The following KDELR2 variants were observed in gnomAD, a reference collection of about 807,000 sequenced individuals.
KDELR2 encodes the protein ER lumen protein-retaining receptor 2.
Under a neutral mutation model 23.9 loss-of-function variants are expected in KDELR2, and 15 were observed. The ratio of observed to expected loss-of-function variants is 0.63; its 90% CI spans 0.42 to 0.97. The LOEUF is 0.97. Ranked by LOEUF, KDELR2 falls within the 50% of genes least tolerant of loss-of-function variation. The probability of loss-of-function intolerance (pLI) is 0.00; values close to 1 mark genes in which losing one functional copy is unlikely to be tolerated. For synonymous variants in KDELR2, 119 were observed against 106.2 expected (o/e 1.12, Z -0.74); for missense variants, 272 against 254.6 (o/e 1.07, Z -0.46).
intron 1 of KDELR2, among the ~76,000 whole-genome samples, chr7:6,477,011 G>T (rs963665266): frequency 1.3e-5 from 2 of 152,134 alleles, no homozygotes; most frequent in African/African-American, 2.4e-5. Context: ...AAAGAAAATG[G>T]GATTCATTTT....
At chr7:6,465,346 G>A (rs1427143898) in intron 4 of KDELR2, among the ~76,000 whole-genome samples, 1 of 151,678 alleles carries the variant, frequency 6.6e-6, no homozygotes, top group Non-Finnish European at 1.5e-5. Flanking sequence ...ACCACGCCTG[G>A]CTAAGTTTTT....
chr7:6,469,445 C>T (rs1419650194), intron 3 of KDELR2, 151 bp downstream of exon 3: 14 of 614,770 alleles, frequency 2.3e-5, no homozygotes, highest in South Asian at 8.3e-5. Flanking sequence ...TTAGTAGAGA[C>T]GGTGTTGCAC....
rs1299018443 is a variant in KDELR2, at chr7:6,466,192, C to A, written c.483G>T (p.Leu161Phe). The change falls in exon 4 of 5, where the codon TTG (leucine) becomes TTT (phenylalanine). Residue 161 changes from leucine (L) to phenylalanine (F), a missense_variant. Transcript: ENST00000258739. ...YLFFLGLYRA[L>F]YLVNWIWRFY... Reference sequence around the variant, plus strand: ...AGCGCCAGATCCAGTTGACAAGATACAAAGCACGATAGAGGCCCAGGAAGA... The same window carrying A: ...AGCGCCAGATCCAGTTGACAAGATAAAAAGCACGATAGAGGCCCAGGAAGA... The A allele has an allele frequency of 2.5e-6, 4 of 1,614,164 alleles. No individual in the cohort carries two copies. In the South Asian group the frequency reaches 3.3e-5, roughly 13 times the overall value.
In KDELR2 at chr7:6,481,728, TAAACAAAC is replaced by T. The variant is rs368614334; in HGVS notation, c.91+2231_91+2238del. Among the ~76,000 whole-genome samples the T allele has an allele frequency of 2.8e-3, 419 of 152,076 alleles. 1 individual carries two copies. Among genetic ancestry groups the T allele is most frequent in the African/African-American group, 8.5e-3 (352 of 41,442 alleles). Reference sequence around the variant, plus strand: ...GAGTGAGACATCGGTCCCACTGTTTTAAACAAACAAACAAACAAACAAACAAAAAAACT... The same window carrying T: ...GAGTGAGACATCGGTCCCACTGTTTTAAACAAACAAACAAACAAAAAAACT... On this transcript the variant is annotated intron_variant, in intron 1 of 4. Transcript: ENST00000258739.
chr7:6,481,849 C>T (rs190851095), intron 1 of KDELR2, among the ~76,000 whole-genome samples: 1 of 152,310 alleles, frequency 6.6e-6, no homozygotes, highest in Admixed American at 6.5e-5. Context: ...ATTCATCTAT[C>T]CAATCCTTTG....
At chr7:6,478,243 G>A (rs372272972) in intron 1 of KDELR2, among the ~76,000 whole-genome samples, 155 of 151,886 alleles carry the variant, frequency 1.0e-3, no homozygotes, top group Non-Finnish European at 1.2e-3. Flanking sequence ...GCAGCCTGGG[G>A]CTTAAGCGAT....
chr7:6,466,302 A>G lies in KDELR2; in HGVS notation c.373T>C (p.Tyr125His). Reference sequence around the variant, plus strand: ...GGAAGGATAGCCACGGACTCCAGGTAGATGGAGAAGGTCCAGAGGATCTGG... The same window carrying G: ...GGAAGGATAGCCACGGACTCCAGGTGGATGGAGAAGGTCCAGAGGATCTGG... Reference protein sequence around the residue: ...PLEILWTFSIYLESVAILPQL... With the variant: ...PLEILWTFSIHLESVAILPQL... The change falls in exon 4 of 5, where the codon TAC becomes CAC. Residue 125 changes from tyrosine to histidine, a missense_variant. Physicochemically the swap from Tyr to His is moderately conservative, Grantham distance 83 (BLOSUM62 2). Transcript: ENST00000258739. 6.2e-7 allele frequency: 1 copy of G among 1,614,040 alleles called. No individual in the cohort carries two copies. The highest frequency in any genetic ancestry group is 8.5e-7 in the Non-Finnish European group (1 of 1,180,020).
intron 1 of KDELR2, among the ~76,000 whole-genome samples, chr7:6,481,756 A>C (rs922800225): frequency 7.9e-5 from 12 of 151,850 alleles, no homozygotes; most frequent in Admixed American, 2.0e-4. Flanking sequence ...AACAAACAAA[A>C]AAACTAACAT....
intron 1 of KDELR2, among the ~76,000 whole-genome samples, 157 bp downstream of exon 1, chr7:6,483,810 C>A (rs932033989): frequency 2.0e-4 from 30 of 151,976 alleles, no homozygotes; most frequent in African/African-American, 7.0e-4. Flanking sequence ...GGCCCGCAGG[C>A]CGCTGCCCCC....
At chr7:6,469,816 C>A in intron 2 of KDELR2, 62 bp from the exon 3 acceptor site, 2 of 1,391,354 alleles carry the variant, frequency 1.4e-6, no homozygotes, top group Admixed American at 2.6e-5. Flanking sequence ...CACCCCCCAG[C>A]TTTTTTAATC....
Position 6,463,027 on chromosome 7 carries a change from G to T in KDELR2, c.*114C>A, listed in dbSNP as rs368120448. ...TTTACAGAGCCACTGATGACTATCT[G>T]CAACAAAAGAGTTAAGTTTCTGATT... On this transcript the variant is annotated 3_prime_UTR_variant, in exon 5 of 5. Transcript: ENST00000258739. The T allele has an allele frequency of 1.9e-6, 3 of 1,614,024 alleles. No individual in the cohort carries two copies. In the African/African-American group the frequency reaches 4.0e-5, roughly 22 times the overall value.
intron 2 of KDELR2, 82 bp from the exon 3 acceptor site, chr7:6,469,836 T>C (rs572594850): frequency 1.2e-4 from 149 of 1,202,028 alleles, no homozygotes; most frequent in South Asian, 1.8e-4. Context: ...CACCCATGTA[T>C]TTGGAAAGGC....
chr7:6,483,322 T>C (rs891012622), intron 1 of KDELR2, among the ~76,000 whole-genome samples: 3 of 151,820 alleles, frequency 2.0e-5, no homozygotes, highest in Non-Finnish European at 4.4e-5. Context: ...ACTGACGACC[T>C]CTCGGCAAGC....
intron 3 of KDELR2, among the ~76,000 whole-genome samples, chr7:6,466,742 A>C (rs986550408): frequency 4.0e-5 from 6 of 151,770 alleles, no homozygotes; most frequent in Non-Finnish European, 7.4e-5. Context: ...ATCATCAGGC[A>C]TTAGATTTTC....
Position 6,476,247 on chromosome 7 carries a change from C to T in KDELR2, c.92-1963G>A, listed in dbSNP as rs1032664350. 2.0e-5 allele frequency among the ~76,000 whole-genome samples: 3 copies of T among 152,306 alleles called. No homozygotes were observed. In the South Asian group the frequency reaches 6.2e-4, roughly 32 times the overall value. On this transcript the variant is annotated intron_variant, in intron 1 of 4. Transcript: ENST00000258739. ...GAAATGGAAAAAAATGTTGATGCCA[C>T]CCTTCCAGATCCATCAATAGAAACC... is the stretch of plus-strand genomic sequence containing the variant.
intron 1 of KDELR2, among the ~76,000 whole-genome samples, chr7:6,477,167 G>C (rs114385476): frequency 1.3e-5 from 2 of 152,220 alleles, no homozygotes; most frequent in South Asian, 4.1e-4. Context: ...AGAGCCCCAG[G>C]TGCGCACAGG....
chr7:6,463,192 A>G lies in KDELR2; in HGVS notation c.605-17T>C. The G allele has an allele frequency of 6.2e-7, 1 of 1,600,582 alleles. No individual in the cohort carries two copies. The highest frequency in any genetic ancestry group is 8.5e-7 in the Non-Finnish European group (1 of 1,173,438). Reference sequence around the variant, plus strand: ...CCTTGAGTACTAGAATTTCAAAGAGAAGAAAAGAAAACAAAAGGTTACTGA... The same window carrying G: ...CCTTGAGTACTAGAATTTCAAAGAGGAGAAAAGAAAACAAAAGGTTACTGA... On this transcript the variant is annotated splice_polypyrimidine_tract_variant and intron_variant, in intron 4 of 4. Transcript: ENST00000258739.
At chr7:6,476,806 T>G (rs17198191) in intron 1 of KDELR2, among the ~76,000 whole-genome samples, 23,051 of 152,048 alleles carry the variant, frequency 0.15, 2,035 homozygotes, top group Non-Finnish European at 0.2. Context: ...CTGCCCTAGC[T>G]CCAATTACAG....
At chr7:6,471,293 T>C (rs1021361655) in intron 2 of KDELR2, among the ~76,000 whole-genome samples, 21 of 142,142 alleles carry the variant, frequency 1.5e-4, no homozygotes, top group Admixed American at 6.5e-4. Flanking sequence ...GCGATTCTCC[T>C]GCCTCAACCT....
Sources: allele counts gnomAD v4.1 joint callset (sites outside exome capture counted in the v4.1 genomes callset), GRCh38; gene constraint gnomAD v4.1.1; transcripts MANE v1.5; gene names NCBI Gene and HGNC (gene_info 2026-07-23, HGNC 2026-07-21).